Variants in LZTR1 observed in about 807,000 individuals in gnomAD.
LZTR1 encodes leucine zipper like post translational regulator 1.
LZTR1 carries 260 observed loss-of-function variants against 105.7 expected under a neutral mutation model. That is an observed-to-expected ratio of 2.46 (90% CI 2.22 to 2.72). The LOEUF is 2.72. Among genes scored for constraint, LZTR1 ranks in the 30% most tolerant of loss-of-function variants. LZTR1 has a pLI of 0.00. For synonymous variants in LZTR1, 490 were observed against 476.4 expected, an observed-to-expected ratio of 1.03 and a Z score of -0.37; for missense variants, 1,214 against 1,166.9, an observed-to-expected ratio of 1.04 and a Z score of -0.59.
rs1205735401 is a variant in LZTR1, at chr22:20,993,643, C to T, written c.1261-19C>T. 3.1e-6 allele frequency: 5 copies of T among 1,606,922 alleles called. No homozygotes were observed. Among genetic ancestry groups the T allele is most frequent in the African/African-American group, 1.3e-5 (1 of 74,808 alleles). On this transcript the variant is annotated intron_variant, in intron 11 of 20. Transcript: ENST00000646124. The stretch of plus-strand genomic sequence containing the variant: ...CCCTGCTGTCTGCAACATCTAGTCT[C>T]ACTGGGCCCCTCTTGCAGTTCTCCT...
Position 20,994,280 on chromosome 22 carries a change from G to A in LZTR1, c.1615+11G>A. The A allele has an allele frequency of 4.4e-6, 7 of 1,596,782 alleles. No homozygotes were observed. Among genetic ancestry groups the A allele is most frequent in the Non-Finnish European group, 5.9e-6 (7 of 1,178,690 alleles). On this transcript the variant is annotated intron_variant, in intron 14 of 20. Coordinates refer to ENST00000646124, the MANE Select transcript of LZTR1 (RefSeq NM_006767.4). ...AATACCCACGGAAAGGTCCGCCTGG[G>A]TGGGGGTGGAGCAGGGTTGGTGTGG...
chr22:20,988,161 G>A, intron 5 of LZTR1, 43 bp downstream of exon 5: 2 of 1,318,574 alleles, frequency 1.5e-6, no homozygotes, highest in Non-Finnish European at 2.2e-6. Context: ...CTGGGTCCTG[G>A]GTGGCATTGG....
intron 7 of LZTR1, 136 bp from the exon 8 acceptor site, chr22:20,990,250 C>T (rs982196919): frequency 1.9e-6 from 2 of 1,027,796 alleles, no homozygotes; most frequent in Non-Finnish European, 3.0e-6. Context: ...TGAGCTGTTC[C>T]AAGACAAAGG....
rs749449247 is a variant in LZTR1, at chr22:20,994,144, C to CCGGCGTGGCTGCTGGTG, written c.1491_1507dup (p.Gly503AlafsTer59). 6.3e-7 allele frequency: 1 copy of CCGGCGTGGCTGCTGGTG among 1,593,294 alleles called. No individual in the cohort carries two copies. The highest frequency in any genetic ancestry group is 8.5e-7 in the Non-Finnish European group (1 of 1,169,706). ...GCCGCCCCAGTTCCCAGGGAGGCCC[C>CCGGCGTGGCTGCTGGTG]CGGCGTGGCTGCTGGTGGGGCCCGG... On this transcript the variant is annotated frameshift_variant, in exon 14 of 21. Transcript: ENST00000646124. LOFTEE classifies it high-confidence loss of function.
intron 14 of LZTR1, 97 bp downstream of exon 14, chr22:20,994,366 C>T (rs746078431): frequency 7.2e-7 from 1 of 1,394,914 alleles, no homozygotes; most frequent in Non-Finnish European, 9.7e-7. Context: ...TACTGATGGG[C>T]CCCCTGAGGC....
chr22:20,989,657 A>G lies in LZTR1; in HGVS notation c.626A>G (p.Asp209Gly). The G allele has an allele frequency of 6.2e-7, 1 of 1,613,208 alleles. No homozygotes were observed. The highest frequency in any genetic ancestry group is 8.5e-7 in the Non-Finnish European group (1 of 1,179,900). The change falls in exon 7 of 21, where the codon GAC becomes GGC. Residue 209 changes from aspartate to glycine, a missense_variant. Asp to Gly is a moderately conservative substitution (Grantham distance 94). Transcript: ENST00000646124. ...GACATGTGGACAATTGGCCTCCAGG[A>G]CCGAGAGCTCACCTGCTGGGAGGAG... Reference protein sequence around the residue: ...LNDMWTIGLQDRELTCWEEVA... With the variant: ...LNDMWTIGLQGRELTCWEEVA...
intron 4 of LZTR1, 60 bp from the exon 5 acceptor site, chr22:20,987,950 G>C: frequency 9.8e-7 from 1 of 1,024,886 alleles, no homozygotes; most frequent in Non-Finnish European, 1.5e-6. Flanking sequence ...CCACCTTCCA[G>C]GGTTTGAAAT....
At chr22:20,994,301 T>A in intron 14 of LZTR1, 32 bp downstream of exon 14, 1 of 1,591,904 alleles carries the variant, frequency 6.3e-7, no homozygotes, top group Non-Finnish European at 8.5e-7. Flanking sequence ...GCAGGGTTGG[T>A]GTGGGCTGGG....
At position 20,996,801 on chromosome 22, in the gene LZTR1, G is replaced by C. The variant is rs377557832; in HGVS notation, c.2325G>C (p.Gln775His). Residue 775 changes from glutamine (Q) to histidine (H), a missense_variant and splice_region_variant, in exon 19 of 21, where the codon CAG (glutamine) becomes CAC (histidine). By Grantham distance (24) the Gln-to-His change is conservative. Transcript: ENST00000646124. ...ACGTGACGGTGCAGAACGTGCTGCA[G>C]GTAGCCCCCCAGCCCCGTGCACATG... is the stretch of plus-strand genomic sequence containing the variant. ...EMNVTVQNVL[Q>H]ILEAADKTQA... 3.7e-6 allele frequency: 6 copies of C among 1,613,612 alleles called. No homozygotes were observed. Among genetic ancestry groups the C allele is most frequent in the South Asian group, 1.1e-5 (1 of 91,080 alleles).
rs1569155256 is a variant in LZTR1, at chr22:20,989,666, TCA to T, written c.637_638del (p.Thr213LeufsTer46). 6.2e-7 allele frequency: 1 copy of T among 1,611,878 alleles called. No individual in the cohort carries two copies. The highest frequency in any genetic ancestry group is 1.7e-5 in the Admixed American group (1 of 59,928). ...ACAATTGGCCTCCAGGACCGAGAGC[TCA>T]CCTGCTGGGAGGAGGTGAGGGGCGT... is the stretch of plus-strand genomic sequence containing the variant. On this transcript the variant is annotated frameshift_variant, in exon 7 of 21. Coordinates refer to ENST00000646124, the MANE Select transcript of LZTR1 (RefSeq NM_006767.4). LOFTEE classifies it high-confidence loss of function.
chr22:20,994,692 G>A lies in LZTR1; in HGVS notation c.1750G>A (p.Glu584Lys), dbSNP rs369697241. The A allele has an allele frequency of 3.4e-5, 55 of 1,612,492 alleles. 1 individual carries two copies. The highest frequency in any genetic ancestry group is 6.7e-5 in the Admixed American group (4 of 60,000). The change falls in exon 15 of 21, where the codon GAG (glutamate) becomes AAG (lysine). Residue 584 changes from glutamate to lysine, a missense_variant. Physicochemically the swap from Glu to Lys is moderately conservative, Grantham distance 56 (BLOSUM62 1). Coordinates refer to ENST00000646124, the MANE Select transcript of LZTR1 (RefSeq NM_006767.4). ...VDLQNVLVVC[E>K]SAARLQLSQL... The stretch of plus-strand genomic sequence containing the variant: ...CCTGCAGAACGTGCTGGTTGTGTGC[G>A]AGAGTGCCGCCCGGCTGCAGCTGAG...
rs373968693 is a variant in LZTR1 at position 20,989,622 on chromosome 22, C to T, written c.594-3C>T. The T allele has an allele frequency of 1.2e-4, 201 of 1,613,470 alleles. No homozygotes were observed. In the African/African-American group the frequency reaches 2.3e-3, roughly 19 times the overall value. On this transcript the variant is annotated splice_region_variant and splice_polypyrimidine_tract_variant and intron_variant, in intron 6 of 20. Coordinates refer to ENST00000646124, the MANE Select transcript of LZTR1 (RefSeq NM_006767.4). ...GGGTCCTCACTGGTCTGTCCTAATA[C>T]AGGTTGAATGACATGTGGACAATTG...
In LZTR1 at chr22:20,997,602, G is replaced by A. The variant is rs1924918127; in HGVS notation, c.*254G>A. On this transcript the variant is annotated 3_prime_UTR_variant, in exon 21 of 21. Transcript: ENST00000646124. ...TGTCATCACCCTCTCCTGGTGTAGT[G>A]TGGATGCGAGGCCACGGCTCAGTGA... 4.8e-6 allele frequency: 2 copies of A among 420,980 alleles called. No homozygotes were observed. The allele number at this position is 420,980 out of a possible 1,614,324, so 26.1% of individuals were successfully genotyped here. A position where few individuals can be genotyped will look rare whatever the true frequency, so the allele number is the denominator to read the frequency against.
chr22:20,992,483 AC>A, intron 10 of LZTR1, 114 bp downstream of exon 10: 2 of 1,231,734 alleles, frequency 1.6e-6, no homozygotes, highest in Non-Finnish European at 2.2e-6. Context: ...TTGGGGTCAC[AC>A]CACAAAGGGG....
intron 6 of LZTR1, among the ~76,000 whole-genome samples, chr22:20,989,137 T>G (rs1226257052): frequency 2.0e-5 from 3 of 152,136 alleles, no homozygotes; most frequent in Admixed American, 6.5e-5. Context: ...CGGAGCTGAG[T>G]TGGTGGGCGG....
At position 20,997,258 on chromosome 22, in the gene LZTR1, G is replaced by C. The variant is rs761683620; in HGVS notation, c.2433G>C (p.Ser811=). ...TCTCCAAGTTGCCCACCCTGCGGTC[G>C]CTGAGCCAGCAGCTGCTGCTGGACA... ...TKVSKLPTLR[S]LSQQLLLDII... Residue 811 remains serine, a synonymous_variant, in exon 21 of 21, where the codon TCG becomes TCC. Coordinates refer to ENST00000646124, the MANE Select transcript of LZTR1 (RefSeq NM_006767.4). The C allele has an allele frequency of 1.9e-6, 3 of 1,613,722 alleles. No individual in the cohort carries two copies. Among genetic ancestry groups the C allele is most frequent in the Non-Finnish European group, 2.5e-6 (3 of 1,179,806 alleles).
In LZTR1 at chr22:20,987,548, C is replaced by T. The variant is rs587777177; in HGVS notation, c.365C>T (p.Ser122Leu). The stretch of plus-strand genomic sequence containing the variant: ...CCACCGGCCCCCCGTTACCACCACT[C>T]GGCCGTCGTCTATGGGAGCAGCATG... ...GTPPAPRYHH[S>L]AVVYGSSMFV... Residue 122 changes from serine (S) to leucine (L), a missense_variant, in exon 4 of 21, where the codon TCG (serine) becomes TTG (leucine). Physicochemically the swap from Ser to Leu is moderately radical, Grantham distance 145. Coordinates refer to ENST00000646124, the MANE Select transcript of LZTR1 (RefSeq NM_006767.4). 16 of 1,614,024 alleles carry T rather than the reference C, an allele frequency of 9.9e-6. No individual in the cohort carries two copies. Among genetic ancestry groups the T allele is most frequent in the East Asian group, 2.2e-5 (1 of 44,888 alleles).
At chr22:20,986,215 GTAAGATGGCTAGTAGTTACAAAT>G (rs895960632) in intron 3 of LZTR1, 14 of 275,070 alleles carry the variant, frequency 5.1e-5, no homozygotes, top group African/African-American at 2.6e-4. Flanking sequence ...ACTTGATTTT[GTAAGATGGCTAGTAGTTACAAAT>G]TAATTTAAAA....
At chr22:20,992,581 T>A in intron 10 of LZTR1, 1 of 647,884 alleles carries the variant, frequency 1.5e-6, no homozygotes. Context: ...CCCTGACCAC[T>A]CTGAGGGTCT....
Sources: gnomAD v4.1 joint callset for allele counts (sites outside exome capture counted in the v4.1 genomes callset) on GRCh38, gnomAD v4.1.1 for gene constraint, MANE v1.5 for transcripts, NCBI Gene and HGNC (gene_info 2026-07-23, HGNC 2026-07-21) for gene names.